The following HTR2C variants were observed in gnomAD, a reference collection of about 807,000 sequenced individuals.
HTR2C encodes 5-hydroxytryptamine (serotonin) receptor 2C, G protein-coupled.
In HTR2C, 5 loss-of-function variants were observed where a neutral mutation model predicts 21.0. That is an observed-to-expected ratio of 0.24 (90% CI 0.12 to 0.50). HTR2C has a LOEUF of 0.50. Ranked by LOEUF, HTR2C falls within the 20% of genes least tolerant of loss-of-function variation. The pLI is 0.98. For missense variants in HTR2C, 271 were observed against 371.2 expected (o/e 0.73, Z 2.22); for synonymous variants, 150 against 145.3 (o/e 1.03, Z -0.23).
At chrX:114,634,883 T>G (rs1929782178) in intron 2 of HTR2C, among the ~76,000 whole-genome samples, 2 of 112,226 alleles carry the variant, frequency 1.8e-5, no homozygotes, top group South Asian at 7.3e-4. Flanking sequence ...GCTTTAGAAA[T>G]AATTTCATTC....
chrX:114,815,511 A>G (rs2070575993), intron 4 of HTR2C, among the ~76,000 whole-genome samples: 1 of 111,335 alleles, frequency 9.0e-6, no homozygotes, highest in African/African-American at 3.3e-5. Flanking sequence ...AAGCATTTGT[A>G]AAAACTACAT....
At chrX:114,603,680 G>A (rs1928251027) in intron 1 of HTR2C, among the ~76,000 whole-genome samples, 1 of 32,505 alleles carries the variant, frequency 3.1e-5, no homozygotes, top group Non-Finnish European at 5.7e-5. Flanking sequence ...CGGCAGTACA[G>A]CCTAGGTAAT....
intron 2 of HTR2C, among the ~76,000 whole-genome samples, chrX:114,724,149 C>G (rs1275720827): frequency 9.8e-6 from 1 of 101,707 alleles, no homozygotes; most frequent in East Asian, 3.2e-4. Context: ...GTGTGGGAGT[C>G]TAAGTCTCTT....
rs1556488235 is a variant in HTR2C at position 114,909,644 on chromosome X, G to T, written c.*2229G>T. On this transcript the variant is annotated 3_prime_UTR_variant, in exon 6 of 6. Coordinates refer to ENST00000276198, the MANE Select transcript of HTR2C (RefSeq NM_000868.4). ...CACAGCACATTTGTTAATGATTCTT[G>T]TGTCATCAAGTAGTAGTACTTAATA... is the stretch of plus-strand genomic sequence containing the variant. 1 of 112,574 alleles carries T rather than the reference G, an allele frequency of 8.9e-6. No individual in the cohort carries two copies. The highest frequency in any genetic ancestry group is 1.9e-5 in the Non-Finnish European group (1 of 53,242). 9.3% of individuals were successfully genotyped at this position (112,574 alleles called of 1,213,427 possible).
chrX:114,664,511 G>C (rs1427619186), intron 2 of HTR2C, among the ~76,000 whole-genome samples: 1 of 111,775 alleles, frequency 8.9e-6, no homozygotes, highest in African/African-American at 3.3e-5. Flanking sequence ...GAGGATAACG[G>C]CTTCAAGCTC....
At chrX:114,774,908 T>C in intron 4 of HTR2C, 1 of 540,989 alleles carries the variant, frequency 1.8e-6, no homozygotes, top group Non-Finnish European at 3.4e-6. Context: ...CCCCCAGGCA[T>C]TCCTCCAGGC....
rs1227409067 is a variant in HTR2C at position 114,801,238 on chromosome X, C to A, written c.350-46765C>A. On this transcript the variant is annotated intron_variant, in intron 4 of 5. Coordinates refer to ENST00000276198, the MANE Select transcript of HTR2C (RefSeq NM_000868.4). ...TAGATCACATGGAAGAGGTTCCACT[C>A]AGAATTGTACATGTTCTCCCAAGGT... Among the ~76,000 whole-genome samples, 22 of 111,441 alleles carry A rather than the reference C, an allele frequency of 2.0e-4. No homozygotes were observed. The Admixed American group carries it at 2.1e-3, about 11-fold the overall frequency.
At chrX:114,782,124 C>T (rs1336543946) in intron 4 of HTR2C, among the ~76,000 whole-genome samples, 1 of 28,090 alleles carries the variant, frequency 3.6e-5, no homozygotes. Context: ...TAGCTGACTT[C>T]TCCAAAAAAA....
chrX:114,757,326 A>G (rs1024800507), intron 4 of HTR2C, among the ~76,000 whole-genome samples: 51 of 111,643 alleles, frequency 4.6e-4, no homozygotes, highest in African/African-American at 1.6e-3. Context: ...CACCAACTCC[A>G]AATTTATATT....
intron 2 of HTR2C, among the ~76,000 whole-genome samples, chrX:114,720,527 T>G (rs1158538531): frequency 9.5e-6 from 1 of 105,317 alleles, no homozygotes. Flanking sequence ...TTTTTTTTTT[T>G]AATTATACTT....
chrX:114,758,895 G>A (rs139855797), intron 4 of HTR2C, among the ~76,000 whole-genome samples: 1,695 of 111,169 alleles, frequency 0.015, 33 homozygotes, highest in African/African-American at 0.052. Context: ...CTTTTGTTTT[G>A]CCTGATACAG....
intron 4 of HTR2C, among the ~76,000 whole-genome samples, chrX:114,747,942 T>A (rs1038446115): frequency 1.5e-4 from 17 of 112,411 alleles, no homozygotes; most frequent in Admixed American, 7.5e-4. Flanking sequence ...GAAGAGGATA[T>A]GCTGTGACCC....
At chrX:114,793,051 C>T (rs2070249999) in intron 4 of HTR2C, among the ~76,000 whole-genome samples, 1 of 111,259 alleles carries the variant, frequency 9.0e-6, no homozygotes, top group African/African-American at 3.3e-5. Flanking sequence ...AAATTTTCTC[C>T]CATTCTGTAG....
chrX:114,689,710 A>G (rs1056802773), intron 2 of HTR2C, among the ~76,000 whole-genome samples: 4 of 111,411 alleles, frequency 3.6e-5, no homozygotes, highest in Admixed American at 1.9e-4. Flanking sequence ...GATTTGTAGT[A>G]GTGAAATGAC....
At chrX:114,631,033 C>T (rs1929596148) in intron 2 of HTR2C, 2 of 217,033 alleles carry the variant, frequency 9.2e-6, no homozygotes, top group South Asian at 5.8e-5. Flanking sequence ...TGGCCGGGCG[C>T]GGTGGCTCAC....
At chrX:114,733,361 G>T (rs1291366024) in intron 4 of HTR2C, among the ~76,000 whole-genome samples, 1 of 108,709 alleles carries the variant, frequency 9.2e-6, no homozygotes, top group Non-Finnish European at 1.9e-5. Flanking sequence ...AGCAACTCGA[G>T]ATCACAACAC....
chrX:114,611,898 C>T (rs1398922877), intron 1 of HTR2C, among the ~76,000 whole-genome samples: 4 of 110,624 alleles, frequency 3.6e-5, no homozygotes, highest in South Asian at 3.9e-4. Context: ...TGGGTTTCAC[C>T]GTGTTAGCCA....
intron 4 of HTR2C, chrX:114,763,095 A>C (rs1219279045): frequency 1.6e-5 from 2 of 123,654 alleles, no homozygotes; most frequent in African/African-American, 6.5e-5. Flanking sequence ...TTCATCATCT[A>C]CCACTGGGCA....
intron 4 of HTR2C, among the ~76,000 whole-genome samples, chrX:114,808,618 G>A (rs190136648): frequency 1.3e-4 from 14 of 110,945 alleles, no homozygotes; most frequent in Middle Eastern, 9.2e-3. Flanking sequence ...CCACATCCTC[G>A]CCAGTGTTTG....
Sources: allele counts gnomAD v4.1 joint callset (sites outside exome capture counted in the v4.1 genomes callset), GRCh38; gene constraint gnomAD v4.1.1; transcripts MANE v1.5; gene names NCBI Gene and HGNC (gene_info 2026-07-23, HGNC 2026-07-21).